The following TDRD3 variants were observed in gnomAD, a reference collection of about 807,000 sequenced individuals.
TDRD3 encodes the protein tudor domain-containing protein 3.
In TDRD3, 45 loss-of-function variants were observed where a neutral mutation model predicts 86.7. That is an observed-to-expected ratio of 0.52 (90% CI 0.41 to 0.67). TDRD3 has a LOEUF of 0.67. TDRD3 is among the 30% of genes least tolerant of loss of function. The pLI, the probability that TDRD3 is intolerant of heterozygous loss-of-function variation, is 0.00. For missense variants in TDRD3, 814 were observed against 889.0 expected (o/e 0.92, Z 1.07); for synonymous variants, 298 against 301.7 (o/e 0.99, Z 0.13).
chr13:60,546,015 T>G (rs1208204615), intron 12 of TDRD3, among the ~76,000 whole-genome samples: 1 of 152,126 alleles, frequency 6.6e-6, no homozygotes, highest in Non-Finnish European at 1.5e-5. Context: ...GGTTGCATAT[T>G]TTCCAACTCA....
At position 60,542,058 on chromosome 13, in the gene TDRD3, G is replaced by A. The variant is rs116582662; in HGVS notation, c.2118+6825G>A. Reference sequence around the variant, plus strand: ...AGCATATTCTTAAGGAAGCATCATCGGTGAGAGCCACAACTGAACGGGGCT... The same window carrying A: ...AGCATATTCTTAAGGAAGCATCATCAGTGAGAGCCACAACTGAACGGGGCT... On this transcript the variant is annotated intron_variant, in intron 12 of 13. Coordinates refer to ENST00000377881, the MANE Select transcript of TDRD3 (RefSeq NM_001146070.2). Among the ~76,000 whole-genome samples the A allele has an allele frequency of 7.6e-3, 1,152 of 151,984 alleles. 18 individuals are homozygous for A. Among genetic ancestry groups the A allele is most frequent in the African/African-American group, 0.027 (1,114 of 41,452 alleles).
chr13:60,557,778 CT>C (rs1422150336), intron 12 of TDRD3, among the ~76,000 whole-genome samples: 2 of 145,650 alleles, frequency 1.4e-5, no homozygotes, highest in African/African-American at 2.5e-5. Flanking sequence ...TCAATCTGGC[CT>C]GTATTTTAGC....
At chr13:60,446,319 T>G (rs1436977250) in intron 3 of TDRD3, among the ~76,000 whole-genome samples, 1 of 151,998 alleles carries the variant, frequency 6.6e-6, no homozygotes, top group Non-Finnish European at 1.5e-5. Flanking sequence ...ACCACCTGGG[T>G]TCAGTTGATT....
At chr13:60,398,293 A>T (rs1039021612) in intron 1 of TDRD3, among the ~76,000 whole-genome samples, 1 of 152,180 alleles carries the variant, frequency 6.6e-6, no homozygotes, top group Admixed American at 6.5e-5. Context: ...AGAGTGAGGC[A>T]TTAAAAGACC....
chr13:60,490,208 G>A (rs1956555758), intron 7 of TDRD3, among the ~76,000 whole-genome samples: 1 of 151,984 alleles, frequency 6.6e-6, no homozygotes, highest in African/African-American at 2.4e-5. Context: ...CAGAAGATCT[G>A]AATCATAGTA....
chr13:60,522,201 T>C (rs944546574), intron 10 of TDRD3, among the ~76,000 whole-genome samples: 1 of 152,152 alleles, frequency 6.6e-6, no homozygotes, highest in Non-Finnish European at 1.5e-5. Context: ...AAATTTTCTC[T>C]GTAATATGAC....
intron 1 of TDRD3, among the ~76,000 whole-genome samples, chr13:60,430,328 A>C (rs1044361744): frequency 1.3e-5 from 2 of 152,192 alleles, no homozygotes; most frequent in South Asian, 4.1e-4. Flanking sequence ...TGTAGGCAGC[A>C]ATGCTATGAG....
At chr13:60,450,849 C>T (rs1955521188) in intron 3 of TDRD3, among the ~76,000 whole-genome samples, 1 of 152,114 alleles carries the variant, frequency 6.6e-6, no homozygotes, top group South Asian at 2.1e-4. Flanking sequence ...GCTTTTCTTG[C>T]TAGACTGTTA....
intron 8 of TDRD3, among the ~76,000 whole-genome samples, chr13:60,498,899 T>C (rs894887677): frequency 7.9e-5 from 12 of 152,032 alleles, no homozygotes; most frequent in Admixed American, 2.6e-4. Flanking sequence ...GGTCAGGAAA[T>C]TAAAGGAGTT....
intron 5 of TDRD3, among the ~76,000 whole-genome samples, chr13:60,472,978 TTTG>T (rs1452341443): frequency 4.6e-5 from 7 of 152,192 alleles, no homozygotes; most frequent in Non-Finnish European, 1.0e-4. Flanking sequence ...TGCTATTTCT[TTTG>T]TTGTTGTTTT....
At chr13:60,425,403 G>A (rs1018802118) in intron 1 of TDRD3, among the ~76,000 whole-genome samples, 2 of 152,122 alleles carry the variant, frequency 1.3e-5, no homozygotes, top group African/African-American at 4.8e-5. Flanking sequence ...CTAGTACACC[G>A]TTGATGGGAA....
intron 5 of TDRD3, among the ~76,000 whole-genome samples, chr13:60,476,806 T>A (rs1956195828): frequency 6.6e-6 from 1 of 152,156 alleles, no homozygotes; most frequent in Non-Finnish European, 1.5e-5. Context: ...AGGTATTTTA[T>A]TCTTTTTATG....
intron 12 of TDRD3, among the ~76,000 whole-genome samples, chr13:60,562,707 A>G (rs985098717): frequency 1.3e-5 from 2 of 152,228 alleles, no homozygotes; most frequent in African/African-American, 4.8e-5. Context: ...TGATGTATGT[A>G]TTGTGACTAC....
intron 12 of TDRD3, among the ~76,000 whole-genome samples, chr13:60,549,655 TTTTCCTTTGGGGGCTTA>T (rs1236635146): frequency 6.6e-6 from 1 of 152,076 alleles, no homozygotes; most frequent in African/African-American, 2.4e-5. Context: ...TTTACTAAAT[TTTTCCTTTGGGGGCTTA>T]TCTCAGTAAA....
At chr13:60,421,137 T>G (rs1396856212) in intron 1 of TDRD3, among the ~76,000 whole-genome samples, 2 of 152,168 alleles carry the variant, frequency 1.3e-5, no homozygotes, top group Non-Finnish European at 2.9e-5. Context: ...CGTTTCCATA[T>G]TGTATTAGTT....
intron 10 of TDRD3, among the ~76,000 whole-genome samples, chr13:60,516,236 G>A (rs558393277): frequency 3.1e-4 from 47 of 152,314 alleles, no homozygotes; most frequent in African/African-American, 8.7e-4. Context: ...AGAATTTAGC[G>A]CAGTAAGCCT....
intron 10 of TDRD3, among the ~76,000 whole-genome samples, chr13:60,519,124 AG>A (rs1957233656): frequency 6.6e-6 from 1 of 152,162 alleles, no homozygotes; most frequent in South Asian, 2.1e-4. Flanking sequence ...TTAGAATACT[AG>A]AACACATGAG....
chr13:60,461,442 C>T (rs1057502268), intron 4 of TDRD3, among the ~76,000 whole-genome samples: 2 of 152,100 alleles, frequency 1.3e-5, no homozygotes, highest in African/African-American at 4.8e-5. Context: ...TTGATATTTC[C>T]ATTTGGCCAT....
chr13:60,413,748 A>T (rs1281977064), intron 1 of TDRD3, among the ~76,000 whole-genome samples: 1 of 152,136 alleles, frequency 6.6e-6, no homozygotes, highest in Non-Finnish European at 1.5e-5. Flanking sequence ...TACCTTATAT[A>T]GCCTGTGAGA....
Sources: allele counts gnomAD v4.1 joint callset (sites outside exome capture counted in the v4.1 genomes callset), GRCh38; gene constraint gnomAD v4.1.1; transcripts MANE v1.5; gene names NCBI Gene and HGNC (gene_info 2026-07-23, HGNC 2026-07-21).